Variants in ESCO1 observed in about 807,000 individuals in gnomAD.
ESCO1 encodes establishment of sister chromatid cohesion N-acetyltransferase 1.
ESCO1 carries 33 observed loss-of-function variants against 83.5 expected under a neutral mutation model. That is an observed-to-expected ratio of 0.40 (90% CI 0.30 to 0.53). The LOEUF (loss-of-function observed/expected upper bound fraction) is 0.53, where lower values mean the gene tolerates loss of function less well. Among genes scored for constraint, ESCO1 ranks in the 20% least tolerant of loss-of-function variants. The pLI is 0.63. For synonymous variants in ESCO1, 332 were observed against 324.3 expected, an observed-to-expected ratio of 1.02 and a Z score of -0.25; for missense variants, 855 against 968.0, an observed-to-expected ratio of 0.88 and a Z score of 1.55.
chr18:21,561,109 T>C (rs904938948), intron 7 of ESCO1, 119 bp from the exon 8 acceptor site: 154 of 935,188 alleles, frequency 1.6e-4, no homozygotes, highest in Non-Finnish European at 2.2e-4. Context: ...ATGAATAACA[T>C]TCAATGTTAA....
intron 4 of ESCO1, among the ~76,000 whole-genome samples, chr18:21,572,383 T>G (rs1010876550): frequency 1.3e-5 from 2 of 152,236 alleles, no homozygotes; most frequent in African/African-American, 4.8e-5. Flanking sequence ...AGGGCTCAGC[T>G]GCTTTCATAA....
At chr18:21,535,444 G>A (rs192957739) in intron 10 of ESCO1, among the ~76,000 whole-genome samples, 218 of 150,868 alleles carry the variant, frequency 1.4e-3, no homozygotes, top group African/African-American at 4.8e-3. Flanking sequence ...GTGCAGTGGC[G>A]CAATCTTGGC....
intron 4 of ESCO1, among the ~76,000 whole-genome samples, chr18:21,570,260 G>A (rs1329207733): frequency 1.3e-5 from 2 of 152,002 alleles, no homozygotes; most frequent in East Asian, 3.9e-4. Flanking sequence ...ACCACTCCTA[G>A]CTAATTTTTA....
chr18:21,536,721 AAGAGGGATGGGGTG>A (rs2037842820), intron 9 of ESCO1, among the ~76,000 whole-genome samples: 1 of 152,140 alleles, frequency 6.6e-6, no homozygotes, highest in East Asian at 1.9e-4. Flanking sequence ...TCTAGAGAAC[AAGAGGGATGGGGTG>A]AGAGCTCCTA....
intron 1 of ESCO1, among the ~76,000 whole-genome samples, chr18:21,594,664 A>G (rs2038734009): frequency 1.3e-5 from 2 of 151,490 alleles, no homozygotes; most frequent in African/African-American, 4.9e-5. Context: ...AGATCGCACC[A>G]CTGAACTCCA....
intron 8 of ESCO1, among the ~76,000 whole-genome samples, chr18:21,555,758 T>C (rs1308248819): frequency 4.0e-5 from 6 of 151,884 alleles, no homozygotes; most frequent in Non-Finnish European, 7.4e-5. Flanking sequence ...GCCATGATTG[T>C]GCCACTGCAC....
At chr18:21,540,421 A>C (rs1038828544) in intron 8 of ESCO1, among the ~76,000 whole-genome samples, 2 of 152,176 alleles carry the variant, frequency 1.3e-5, no homozygotes, top group Non-Finnish European at 2.9e-5. Flanking sequence ...TCCACAAACA[A>C]ACACTCCAAG....
chr18:21,590,825 A>G (rs1388108324), intron 1 of ESCO1, among the ~76,000 whole-genome samples: 5 of 151,780 alleles, frequency 3.3e-5, no homozygotes, highest in African/African-American at 7.3e-5. Flanking sequence ...GCACGTGCCT[A>G]TAGTCCCAGC....
Position 21,598,529 on chromosome 18 carries a change from A to C in ESCO1, c.-825+2094T>G, listed in dbSNP as rs1177135843. Among the ~76,000 whole-genome samples, 3 of 99,056 alleles carry C rather than the reference A, an allele frequency of 3.0e-5. No homozygotes were observed. In the Admixed American group the frequency reaches 3.6e-4, roughly 12 times the overall value. The allele number at this position is 99,056 out of a possible 152,430, so 65.0% of individuals were successfully genotyped here. On this transcript the variant is annotated intron_variant, in intron 1 of 11. Transcript: ENST00000269214. ...AGCCTGGCCAACACGGTGAAACCCT[A>C]TCTCTACTAAAAATACAAAAAAATT...
intron 2 of ESCO1, among the ~76,000 whole-genome samples, chr18:21,578,226 G>C (rs914766538): frequency 6.6e-6 from 1 of 151,838 alleles, no homozygotes. Context: ...CAAAATTAGA[G>C]ACAAAAACTA....
In ESCO1 at chr18:21,575,227, T is replaced by C; in HGVS notation, c.-384A>G. On this transcript the variant is annotated 5_prime_UTR_variant, in exon 4 of 12. The change abolishes the stop of an existing upstream ORF in the 5' untranslated region. Coordinates refer to ENST00000269214, the MANE Select transcript of ESCO1 (RefSeq NM_052911.3). ...GCTCTATTACTGGAGGAGTTATTTA[T>C]CAGTGACCTGTTTTGATAAAATTTT... is the stretch of plus-strand genomic sequence containing the variant. 1 of 385,600 alleles carries C rather than the reference T, an allele frequency of 2.6e-6. No homozygotes were observed. Among genetic ancestry groups the C allele is most frequent in the East Asian group, 3.6e-5 (1 of 27,444 alleles). 23.9% of individuals were successfully genotyped at this position (385,600 alleles called of 1,614,324 possible).
chr18:21,574,833 A>G lies in ESCO1; in HGVS notation c.11T>C (p.Ile4Thr), dbSNP rs543486909. 3.2e-6 allele frequency: 5 copies of G among 1,586,266 alleles called. No individual in the cohort carries two copies. The East Asian group carries it at 8.9e-5, about 28-fold the overall frequency. Residue 4 changes from isoleucine (I) to threonine (T), a missense_variant, in exon 4 of 12, where the codon ATT (isoleucine) becomes ACT (threonine). This residue lies in a region of ESCO1 where 726 missense variants were observed against 699.5 expected (regional missense o/e 1.04). Transcript: ENST00000269214. MMSIQEKSKENSSK... is the reference protein window; with the variant it reads MMSTQEKSKENSSK... ...GGAATTCTCTTTTGATTTCTCCTGA[A>G]TGGACATCATTCCTGAGTAATGACT... is the stretch of plus-strand genomic sequence containing the variant.
In ESCO1 at chr18:21,574,947, GA is replaced by G. The variant is rs1037719540; in HGVS notation, c.-105del. The G allele has an allele frequency of 1.1e-6, 1 of 875,972 alleles. No homozygotes were observed. Among genetic ancestry groups the G allele is most frequent in the Non-Finnish European group, 1.7e-6 (1 of 599,638 alleles). 54.3% of individuals were successfully genotyped at this position (875,972 alleles called of 1,614,324 possible). The stretch of plus-strand genomic sequence containing the variant: ...AGTATTATTACTGAGGAGCAGGTCT[GA>G]AAAATCAACTTTAACTGATGCTGAT... On this transcript the variant is annotated 5_prime_UTR_variant, in exon 4 of 12. Coordinates refer to ENST00000269214, the MANE Select transcript of ESCO1 (RefSeq NM_052911.3).
At chr18:21,588,968 G>A (rs1051397948) in intron 1 of ESCO1, among the ~76,000 whole-genome samples, 6 of 151,238 alleles carry the variant, frequency 4.0e-5, no homozygotes, top group Non-Finnish European at 7.4e-5. Flanking sequence ...TCGGCTGGGC[G>A]CGGTGGCTCA....
intron 8 of ESCO1, among the ~76,000 whole-genome samples, chr18:21,547,900 GA>G (rs2037994239): frequency 6.6e-6 from 1 of 151,612 alleles, no homozygotes; most frequent in Non-Finnish European, 1.5e-5. Flanking sequence ...TCAGGAGATC[GA>G]GACCATCCTG....
intron 9 of ESCO1, among the ~76,000 whole-genome samples, chr18:21,538,300 A>AG (rs1160805058): frequency 3.9e-5 from 6 of 151,982 alleles, no homozygotes; most frequent in Non-Finnish European, 5.9e-5. Context: ...AAAAAAAAAA[A>AG]AAAAAAAAAG....
chr18:21,599,951 C>G (rs75250696), intron 1 of ESCO1, among the ~76,000 whole-genome samples: 3 of 152,248 alleles, frequency 2.0e-5, no homozygotes, highest in Admixed American at 6.5e-5. Context: ...ATAAACTTCA[C>G]TGCGGCCCTC....
chr18:21,578,465 T>A (rs995760321), intron 2 of ESCO1, among the ~76,000 whole-genome samples: 2 of 151,998 alleles, frequency 1.3e-5, no homozygotes, highest in African/African-American at 2.4e-5. Context: ...GGCCATTAAC[T>A]GGACCTTTCA....
At chr18:21,588,687 C>T (rs1306079923) in intron 1 of ESCO1, among the ~76,000 whole-genome samples, 4 of 151,626 alleles carry the variant, frequency 2.6e-5, no homozygotes, top group African/African-American at 9.7e-5. Flanking sequence ...GAGGCTGAGG[C>T]GTGCAAATCT....
Sources: allele counts gnomAD v4.1 joint callset (sites outside exome capture counted in the v4.1 genomes callset), GRCh38; gene constraint gnomAD v4.1.1; regional missense constraint gnomAD v4.1.1; transcripts MANE v1.5; gene names NCBI Gene and HGNC (gene_info 2026-07-23, HGNC 2026-07-21).